The following ZEB1 variants were observed in gnomAD, a reference collection of about 807,000 sequenced individuals.
ZEB1 encodes zinc finger E-box binding homeobox 1.
A neutral mutation model predicts 84.9 loss-of-function variants in ZEB1; 21 were observed. The ratio of observed to expected loss-of-function variants is 0.25; its 90% confidence interval spans 0.18 to 0.36. ZEB1 has a LOEUF of 0.36. Among genes scored for constraint, ZEB1 ranks in the 10% least tolerant of loss-of-function variants. ZEB1 has a pLI of 1.00. For missense variants in ZEB1, 1,104 were observed against 1,330.2 expected (o/e 0.83, Z 2.65); for synonymous variants, 420 against 471.1 (o/e 0.89, Z 1.41).
intron 1 of ZEB1, among the ~76,000 whole-genome samples, chr10:31,454,420 C>A (rs2060955539): frequency 6.6e-6 from 1 of 151,680 alleles, no homozygotes; most frequent in African/African-American, 2.4e-5. Flanking sequence ...AGGGCAGAGA[C>A]TTGGCATGCA....
intron 1 of ZEB1, among the ~76,000 whole-genome samples, chr10:31,460,490 G>A (rs2061687555): frequency 6.6e-6 from 1 of 152,056 alleles, no homozygotes. Flanking sequence ...AGGAAAGATG[G>A]CCTCTTTTCT....
chr10:31,413,597 A>G (rs2054674992), intron 1 of ZEB1, among the ~76,000 whole-genome samples: 1 of 150,964 alleles, frequency 6.6e-6, no homozygotes, highest in South Asian at 2.1e-4. Flanking sequence ...GATATGAAAG[A>G]TAAGGAGTAA....
At chr10:31,407,469 C>G (rs2053335438) in intron 1 of ZEB1, among the ~76,000 whole-genome samples, 1 of 151,798 alleles carries the variant, frequency 6.6e-6, no homozygotes, top group Non-Finnish European at 1.5e-5. Flanking sequence ...TGTATATGTG[C>G]CACATTTTCT....
intron 1 of ZEB1, among the ~76,000 whole-genome samples, chr10:31,439,658 T>C (rs2058681235): frequency 6.7e-6 from 1 of 149,696 alleles, no homozygotes; most frequent in South Asian, 2.1e-4. Flanking sequence ...TGAGGGAGAA[T>C]AGGGAGTGCA....
chr10:31,346,216 T>G (rs2040286255), intron 1 of ZEB1, among the ~76,000 whole-genome samples: 1 of 152,194 alleles, frequency 6.6e-6, no homozygotes, highest in South Asian at 2.1e-4. Context: ...CTATGTCTTG[T>G]GTGGAAAAAC....
At chr10:31,360,287 A>T (rs1040869463) in intron 1 of ZEB1, among the ~76,000 whole-genome samples, 15 of 152,336 alleles carry the variant, frequency 9.8e-5, no homozygotes, top group Non-Finnish European at 1.8e-4. Flanking sequence ...GATGGGAATT[A>T]AAACAGGATA....
At chr10:31,489,939 A>G (rs919268764) in intron 2 of ZEB1, among the ~76,000 whole-genome samples, 3 of 151,064 alleles carry the variant, frequency 2.0e-5, no homozygotes, top group Non-Finnish European at 1.5e-5. Flanking sequence ...TCTTTATTTT[A>G]CCTTCGTTTT....
At chr10:31,516,529 T>G (rs2071140045) in intron 6 of ZEB1, among the ~76,000 whole-genome samples, 1 of 66,594 alleles carries the variant, frequency 1.5e-5, no homozygotes. Context: ...AGACCCAGGG[T>G]GTCTGTAAGT....
At chr10:31,519,462 T>C (rs1280761923) in intron 6 of ZEB1, among the ~76,000 whole-genome samples, 3 of 152,202 alleles carry the variant, frequency 2.0e-5, no homozygotes, top group African/African-American at 7.2e-5. Flanking sequence ...TGTTTTAATA[T>C]AAAAATAATG....
intron 1 of ZEB1, among the ~76,000 whole-genome samples, chr10:31,432,675 C>T (rs1010235134): frequency 6.6e-6 from 1 of 152,140 alleles, no homozygotes; most frequent in African/African-American, 2.4e-5. Context: ...AGATGCTTGT[C>T]TCAGGAACCC....
At chr10:31,458,594 C>T (rs1430417625) in intron 1 of ZEB1, among the ~76,000 whole-genome samples, 1 of 151,812 alleles carries the variant, frequency 6.6e-6, no homozygotes, top group Admixed American at 6.6e-5. Flanking sequence ...TATTGATATA[C>T]TGAATAGACC....
intron 1 of ZEB1, among the ~76,000 whole-genome samples, chr10:31,402,261 G>A (rs191280670): frequency 6.6e-6 from 1 of 151,898 alleles, no homozygotes; most frequent in East Asian, 1.9e-4. Flanking sequence ...TAAATGTAAG[G>A]GTTTTGTTAG....
At chr10:31,359,385 AAAG>A (rs2042620169) in intron 1 of ZEB1, among the ~76,000 whole-genome samples, 2 of 152,044 alleles carry the variant, frequency 1.3e-5, no homozygotes, top group African/African-American at 4.8e-5. Flanking sequence ...AAAGAGAGGG[AAAG>A]AAGAAAGGAG....
chr10:31,422,079 A>G (rs2056255570), intron 1 of ZEB1, among the ~76,000 whole-genome samples: 1 of 152,120 alleles, frequency 6.6e-6, no homozygotes, highest in South Asian at 2.1e-4. Flanking sequence ...ACTCTGGCCT[A>G]CAGTTCTTTA....
intron 1 of ZEB1, among the ~76,000 whole-genome samples, chr10:31,349,449 G>T (rs1468360978): frequency 1.3e-5 from 2 of 152,150 alleles, no homozygotes; most frequent in Non-Finnish European, 2.9e-5. Context: ...TGGTGAGACT[G>T]GTGGATCATA....
chr10:31,435,104 T>C (rs765629069), intron 1 of ZEB1, among the ~76,000 whole-genome samples: 64 of 152,128 alleles, frequency 4.2e-4, no homozygotes, highest in Non-Finnish European at 6.8e-4. Flanking sequence ...CAAAATGCAA[T>C]GTTAAAAGTG....
intron 3 of ZEB1, 53 bp from the exon 4 acceptor site, chr10:31,502,295 T>C: frequency 1.3e-6 from 2 of 1,569,980 alleles, no homozygotes; most frequent in South Asian, 2.3e-5. Context: ...TAGAAAACCT[T>C]TGTAATAACT....
chr10:31,341,897 G>C (rs138817503), intron 1 of ZEB1, among the ~76,000 whole-genome samples: 1 of 152,166 alleles, frequency 6.6e-6, no homozygotes, highest in Non-Finnish European at 1.5e-5. Context: ...ATTGGTGGGG[G>C]AGATCAGAAT....
chr10:31,324,713 G>A (rs2035069081), intron 1 of ZEB1, among the ~76,000 whole-genome samples: 1 of 151,954 alleles, frequency 6.6e-6, no homozygotes, highest in East Asian at 1.9e-4. Flanking sequence ...AAAGTCCATT[G>A]TTGAAAGAAA....
Sources: gnomAD v4.1 joint callset for allele counts (sites outside exome capture counted in the v4.1 genomes callset) on GRCh38, gnomAD v4.1.1 for gene constraint, MANE v1.5 for transcripts, NCBI Gene and HGNC (gene_info 2026-07-23, HGNC 2026-07-21) for gene names.